SLC26A3: variants seen among roughly 807,000 people sequenced by gnomAD.
The protein encoded by SLC26A3 is solute carrier family 26 member 3.
In SLC26A3, 64 loss-of-function variants were observed where a neutral mutation model predicts 85.6. That is an observed-to-expected ratio of 0.75 (90% CI 0.61 to 0.92). The LOEUF (loss-of-function observed/expected upper bound fraction) is 0.92. SLC26A3 is among the 40% of genes least tolerant of loss of function. The pLI, the probability that SLC26A3 is intolerant of heterozygous loss-of-function variation, is 0.00. For synonymous variants in SLC26A3, 349 were observed against 336.0 expected, an observed-to-expected ratio of 1.04 and a Z score of -0.42; for missense variants, 922 against 927.3, an observed-to-expected ratio of 0.99 and a Z score of 0.07.
chr7:107,789,592 C>T lies in SLC26A3; in HGVS notation c.667G>A (p.Val223Ile). 1 of 1,613,958 alleles carries T rather than the reference C, an allele frequency of 6.2e-7. No homozygotes were observed. The highest frequency in any genetic ancestry group is 1.6e-4 in the Middle Eastern group (1 of 6,062). Reference sequence around the variant, plus strand: ...TGAAAAATGAATTTGAGTTGGGAAACCAAAACATGAACAGCAGCAGCAGTA... The same window carrying T: ...TGAAAAATGAATTTGAGTTGGGAAATCAAAACATGAACAGCAGCAGCAGTA... Reference protein sequence around the residue: ...FTTAAAVHVLVSQLKFIFQLT... With the variant: ...FTTAAAVHVLISQLKFIFQLT... The change falls in exon 6 of 21, where the codon GTT (valine) becomes ATT (isoleucine). Residue 223 changes from valine to isoleucine, a missense_variant. Val to Ile is a conservative substitution (Grantham distance 29). Coordinates refer to ENST00000340010, the MANE Select transcript of SLC26A3 (RefSeq NM_000111.3).
chr7:107,773,950 A>G lies in SLC26A3; in HGVS notation c.1977T>C (p.Leu659=). ...LILDFSAVSF[L]DVSSVRGLKS... ...TAAGGCCCCTCACTGAAGAAACATCAAGAAAGGACACTGCTGAAAAGTCAA... is the reference window on the plus strand; with the variant it reads ...TAAGGCCCCTCACTGAAGAAACATCGAGAAAGGACACTGCTGAAAAGTCAA... Residue 659 remains leucine, a synonymous_variant, in exon 17 of 21, where the codon CTT becomes CTC. Coordinates refer to ENST00000340010, the MANE Select transcript of SLC26A3 (RefSeq NM_000111.3). 6.2e-7 allele frequency: 1 copy of G among 1,614,046 alleles called. No homozygotes were observed. The highest frequency in any genetic ancestry group is 8.5e-7 in the Non-Finnish European group (1 of 1,179,912).
intron 7 of SLC26A3, 88 bp downstream of exon 7, chr7:107,787,269 C>T: frequency 6.9e-7 from 1 of 1,451,642 alleles, no homozygotes; most frequent in Non-Finnish European, 9.7e-7. Context: ...CTCTGCCCCA[C>T]TAAAACTTCC....
chr7:107,786,683 C>G (rs1794301356), intron 8 of SLC26A3, 144 bp downstream of exon 8: 9 of 777,822 alleles, frequency 1.2e-5, no homozygotes, highest in Non-Finnish European at 2.1e-5. Context: ...AAGCAGTGAG[C>G]CTTCCTTAGG....
chr7:107,773,867 T>A, intron 17 of SLC26A3, 53 bp downstream of exon 17: 2 of 1,455,542 alleles, frequency 1.4e-6, no homozygotes, highest in South Asian at 2.3e-5. Flanking sequence ...TACAATTTTT[T>A]TTTTAACCTT....
intron 3 of SLC26A3, among the ~76,000 whole-genome samples, chr7:107,793,217 C>A (rs1794432644): frequency 6.6e-6 from 1 of 152,168 alleles, no homozygotes; most frequent in South Asian, 2.1e-4. Flanking sequence ...ACCCTATGAT[C>A]CAGCAATTAC....
In SLC26A3 at chr7:107,783,306, C is replaced by A; in HGVS notation, c.1018G>T (p.Val340Leu). ...TPDVETFQNT[V>L]GDCFGIAMVA... The stretch of plus-strand genomic sequence containing the variant: ...ATTGCGATGCCGAAGCAATCTCCTA[C>A]GGTGTTTTGGAAAGTCTCCACGTCA... The change falls in exon 9 of 21, where the codon GTA becomes TTA. Residue 340 changes from valine to leucine, a missense_variant. By Grantham distance (32) the Val-to-Leu change is conservative. Coordinates refer to ENST00000340010, the MANE Select transcript of SLC26A3 (RefSeq NM_000111.3). 6.2e-7 allele frequency: 1 copy of A among 1,614,152 alleles called. No individual in the cohort carries two copies. The highest frequency in any genetic ancestry group is 8.5e-7 in the Non-Finnish European group (1 of 1,180,014).
At chr7:107,772,869 A>G (rs950389254) in intron 17 of SLC26A3, among the ~76,000 whole-genome samples, 2 of 152,220 alleles carry the variant, frequency 1.3e-5, no homozygotes, top group African/African-American at 4.8e-5. Context: ...AGTAGACTTG[A>G]GAGTTACATG....
intron 5 of SLC26A3, among the ~76,000 whole-genome samples, chr7:107,790,222 C>A (rs1794369716): frequency 6.6e-6 from 1 of 152,192 alleles, no homozygotes; most frequent in African/African-American, 2.4e-5. Flanking sequence ...CCCCCTAAAG[C>A]ATCATTGTTT....
intron 12 of SLC26A3, 79 bp from the exon 13 acceptor site, chr7:107,778,360 C>CAATTTTTT: frequency 2.2e-6 from 1 of 461,452 alleles, no homozygotes; most frequent in Non-Finnish European, 3.7e-6. Flanking sequence ...TTTAAAAAGA[C>CAATTTTTT]TTTTTTTTTT....
chr7:107,794,981 C>T lies in SLC26A3; in HGVS notation c.-88-384G>A, dbSNP rs796590485. On this transcript the variant is annotated intron_variant, in intron 1 of 20. Coordinates refer to ENST00000340010, the MANE Select transcript of SLC26A3 (RefSeq NM_000111.3). ...TTTTTTTATTGCCCCAACTCCAGTC[C>T]AGACTGTTCCAATTTACCCAACAGA... Among the ~76,000 whole-genome samples the T allele has an allele frequency of 2.6e-5, 4 of 152,224 alleles. 1 individual carries two copies. Among genetic ancestry groups the T allele is most frequent in the African/African-American group, 9.6e-5 (4 of 41,530 alleles).
rs1161637054 is a variant in SLC26A3 at position 107,774,070 on chromosome 7, T to C, written c.1857A>G (p.Pro619=). 3 of 1,614,068 alleles carry C rather than the reference T, an allele frequency of 1.9e-6. No homozygotes were observed. The highest frequency in any genetic ancestry group is 3.3e-5 in the Admixed American group (2 of 60,000). Reference sequence around the variant, plus strand: ...GGAAAGGCAGGTCTGTGGTATTGATTGGCTGGTCCAGTACTTCTATCTGAT... The same window carrying C: ...GGAAAGGCAGGTCTGTGGTATTGATCGGCTGGTCCAGTACTTCTATCTGAT... ...DNNQIEVLDQ[P]INTTDLPFHI... is the part of the protein sequence containing the mutation. Residue 619 remains proline, a synonymous_variant, in exon 17 of 21, where the codon CCA becomes CCG. Coordinates refer to ENST00000340010, the MANE Select transcript of SLC26A3 (RefSeq NM_000111.3).
In SLC26A3 at chr7:107,791,201, T is replaced by C. The variant is rs1794395672; in HGVS notation, c.417A>G (p.Leu139=). 1 of 1,614,240 alleles carries C rather than the reference T, an allele frequency of 6.2e-7. No homozygotes were observed. Among genetic ancestry groups the C allele is most frequent in the African/African-American group, 1.3e-5 (1 of 75,058 alleles). ...PFPILSMMVG[L]AVSGAVSKAV... Reference sequence around the variant, plus strand: ...CTTTTGAAACTGCTCCTGAAACTGCTAGTCCCACCATCATACTCAGAATCG... The same window carrying C: ...CTTTTGAAACTGCTCCTGAAACTGCCAGTCCCACCATCATACTCAGAATCG... The change falls in exon 5 of 21, where the codon CTA becomes CTG. Residue 139 remains leucine (L), a synonymous_variant. Transcript: ENST00000340010.
At chr7:107,797,740 C>A (rs187325028) in intron 1 of SLC26A3, among the ~76,000 whole-genome samples, 3 of 127,442 alleles carry the variant, frequency 2.4e-5, no homozygotes, top group Admixed American at 7.8e-5. Context: ...TGAGCAGGAC[C>A]TTTTTTTTTT....
chr7:107,775,076 A>G (rs1794088085), intron 15 of SLC26A3, among the ~76,000 whole-genome samples: 1 of 152,236 alleles, frequency 6.6e-6, no homozygotes, highest in Non-Finnish European at 1.5e-5. Flanking sequence ...GCAGTTATCA[A>G]CAGTCAAAAG....
At chr7:107,787,210 T>A in intron 7 of SLC26A3, 147 bp downstream of exon 7, 1 of 851,002 alleles carries the variant, frequency 1.2e-6, no homozygotes, top group East Asian at 2.5e-5. Flanking sequence ...AAATTCTGAA[T>A]GAAAATAAAA....
Position 107,783,291 on chromosome 7 carries a change from C to T in SLC26A3, c.1033G>A (p.Gly345Ser), listed in dbSNP as rs754394386. ...TFQNTVGDCF[G>S]IAMVAFAVAF... Reference sequence around the variant, plus strand: ...ACTGCAAATGCAACCATTGCGATGCCGAAGCAATCTCCTACGGTGTTTTGG... The same window carrying T: ...ACTGCAAATGCAACCATTGCGATGCTGAAGCAATCTCCTACGGTGTTTTGG... Residue 345 changes from glycine (G) to serine (S), a missense_variant, in exon 9 of 21, where the codon GGC becomes AGC. Coordinates refer to ENST00000340010, the MANE Select transcript of SLC26A3 (RefSeq NM_000111.3). The T allele has an allele frequency of 9.3e-6, 15 of 1,614,010 alleles. No homozygotes were observed. Among genetic ancestry groups the T allele is most frequent in the Admixed American group, 3.3e-5 (2 of 59,992 alleles).
intron 16 of SLC26A3, among the ~76,000 whole-genome samples, 155 bp downstream of exon 16, chr7:107,774,622 C>G (rs561516822): frequency 6.6e-5 from 10 of 152,158 alleles, no homozygotes. Flanking sequence ...TTTAGGGAGA[C>G]CCTCAGAAGG....
intron 1 of SLC26A3, among the ~76,000 whole-genome samples, 161 bp downstream of exon 1, chr7:107,802,950 C>T (rs1356766682): frequency 6.6e-6 from 1 of 152,180 alleles, no homozygotes; most frequent in Non-Finnish European, 1.5e-5. Context: ...GCGCTCCAGA[C>T]ATACATGCAT....
rs900205910 is a variant in SLC26A3 at position 107,803,112 on chromosome 7, TG to T, written c.-91del. ...AACAATCATAAATTTGGTTCCTACC[TG>T]ACACATACTCTGTGAGGAGCTTCTG... On this transcript the variant is annotated splice_region_variant and 5_prime_UTR_variant, in exon 1 of 21. An upstream open reading frame in the 5' UTR gains an earlier in-frame stop. Coordinates refer to ENST00000340010, the MANE Select transcript of SLC26A3 (RefSeq NM_000111.3). The T allele has an allele frequency of 1.3e-5, 2 of 152,352 alleles. No homozygotes were observed. The highest frequency in any genetic ancestry group is 4.8e-5 in the African/African-American group (2 of 41,452). The allele number at this position is 152,352 out of a possible 1,614,324, so 9.4% of individuals were successfully genotyped here.
Sources: gnomAD v4.1 joint callset for allele counts (sites outside exome capture counted in the v4.1 genomes callset) on GRCh38, gnomAD v4.1.1 for gene constraint, MANE v1.5 for transcripts, NCBI Gene and HGNC (gene_info 2026-07-23, HGNC 2026-07-21) for gene names.